Variants in COMMD10 observed in about 807,000 individuals in gnomAD.
COMMD10 encodes the protein COMM domain containing 10, also known as COMM domain-containing protein 10.
COMMD10 carries 33 observed loss-of-function variants against 28.9 expected under a neutral mutation model. The ratio of observed to expected loss-of-function variants is 1.14; its 90% CI spans 0.87 to 1.53. COMMD10 has a LOEUF of 1.53. Ranked by LOEUF, COMMD10 falls within the 40% of genes most tolerant of loss-of-function variation. The pLI, the probability that COMMD10 is intolerant of heterozygous loss-of-function variation, is 0.00. For missense variants in COMMD10, 310 were observed against 233.4 expected, an observed-to-expected ratio of 1.33 and a Z score of -2.14; for synonymous variants, 110 against 81.7, an observed-to-expected ratio of 1.35 and a Z score of -1.87.
intron 5 of COMMD10, among the ~76,000 whole-genome samples, chr5:116,179,786 A>G (rs187604053): frequency 5.9e-5 from 9 of 152,236 alleles, no homozygotes; most frequent in Non-Finnish European, 1.3e-4. Flanking sequence ...GGTCAGTGTG[A>G]TGGTAACCAT....
At chr5:116,091,475 G>A (rs897559181) in intron 3 of COMMD10, among the ~76,000 whole-genome samples, 1 of 152,044 alleles carries the variant, frequency 6.6e-6, no homozygotes, top group Non-Finnish European at 1.5e-5. Flanking sequence ...AAATGATTTG[G>A]GGGATATATT....
chr5:116,218,739 A>G (rs534461084), intron 5 of COMMD10, among the ~76,000 whole-genome samples: 58 of 152,124 alleles, frequency 3.8e-4, no homozygotes, highest in Non-Finnish European at 7.2e-4. Context: ...CTATGAGAAC[A>G]TTTTAGGGAC....
intron 5 of COMMD10, among the ~76,000 whole-genome samples, chr5:116,253,014 A>C (rs1318576827): frequency 1.1e-5 from 1 of 92,416 alleles, no homozygotes; most frequent in African/African-American, 3.6e-5. Context: ...GAGGTCCTTC[A>C]CATCCCTTGT....
chr5:116,155,394 A>G (rs891914772), intron 5 of COMMD10, among the ~76,000 whole-genome samples: 3 of 152,040 alleles, frequency 2.0e-5, no homozygotes, highest in African/African-American at 7.2e-5. Context: ...TAAAAACGCT[A>G]CTATTTTCAT....
intron 5 of COMMD10, among the ~76,000 whole-genome samples, chr5:116,215,547 C>T (rs567681334): frequency 9.2e-5 from 14 of 151,480 alleles, no homozygotes; most frequent in African/African-American, 2.7e-4. Flanking sequence ...ATGAGCCAGG[C>T]GTGGTGGCGT....
intron 2 of COMMD10, among the ~76,000 whole-genome samples, chr5:116,089,708 C>G (rs1030360114): frequency 1.3e-5 from 2 of 152,160 alleles, no homozygotes; most frequent in African/African-American, 4.8e-5. Context: ...AGAAGAGGTG[C>G]TTGTTGAAAA....
chr5:116,215,645 C>T (rs969809210), intron 5 of COMMD10, among the ~76,000 whole-genome samples: 1 of 147,808 alleles, frequency 6.8e-6, no homozygotes, highest in African/African-American at 2.5e-5. Flanking sequence ...TGAGATCAGG[C>T]CACTGCACTC....
At chr5:116,231,288 G>T (rs1218051943) in intron 5 of COMMD10, among the ~76,000 whole-genome samples, 1 of 152,250 alleles carries the variant, frequency 6.6e-6, no homozygotes, top group Middle Eastern at 3.4e-3. Flanking sequence ...TGATGTAGCA[G>T]TTTTTAATAA....
chr5:116,180,931 T>G (rs1747935599), intron 5 of COMMD10, among the ~76,000 whole-genome samples: 1 of 152,116 alleles, frequency 6.6e-6, no homozygotes, highest in Admixed American at 6.6e-5. Context: ...GGCGGGCAGA[T>G]TGCCTGAGCT....
rs775881946 is a variant in COMMD10, at chr5:116,085,100, G to T, written c.41+7G>T. On this transcript the variant is annotated splice_region_variant and intron_variant, in intron 1 of 6. Transcript: ENST00000274458. ...TCCTACGGGAGAGCCCCAGGTAGCT[G>T]ATCCGTTAAGCTCTTGCGGTAGCCG... 1.2e-6 allele frequency: 2 copies of T among 1,609,296 alleles called. No homozygotes were observed. Among genetic ancestry groups the T allele is most frequent in the Middle Eastern group, 1.7e-4 (1 of 5,834 alleles).
At chr5:116,146,405 T>C (rs1329414197) in intron 5 of COMMD10, among the ~76,000 whole-genome samples, 2 of 151,900 alleles carry the variant, frequency 1.3e-5, no homozygotes, top group East Asian at 1.9e-4. Flanking sequence ...GTTTGAATTA[T>C]ATTAGCTTTT....
chr5:116,216,066 A>T (rs1364837101), intron 5 of COMMD10, among the ~76,000 whole-genome samples: 1 of 152,152 alleles, frequency 6.6e-6, no homozygotes, highest in Non-Finnish European at 1.5e-5. Context: ...AAGTAAAACA[A>T]TCCAGACCAT....
chr5:116,092,530 G>A lies in COMMD10; in HGVS notation c.244-15G>A. The A allele has an allele frequency of 6.5e-7, 1 of 1,530,150 alleles. No homozygotes were observed. Among genetic ancestry groups the A allele is most frequent in the Non-Finnish European group, 8.8e-7 (1 of 1,136,698 alleles). The allele number at this position is 1,530,150 out of a possible 1,614,324, so 94.8% of individuals were successfully genotyped here. On this transcript the variant is annotated splice_polypyrimidine_tract_variant and intron_variant, in intron 3 of 6. Coordinates refer to ENST00000274458, the MANE Select transcript of COMMD10 (RefSeq NM_016144.4). ...AGATGAGGGACATATGTAATTTTTT[G>A]TTTCTTTTTAATAGGCAGTGTATCA...
chr5:116,204,666 A>G (rs1748765501), intron 5 of COMMD10, among the ~76,000 whole-genome samples: 1 of 152,180 alleles, frequency 6.6e-6, no homozygotes, highest in Non-Finnish European at 1.5e-5. Context: ...AAAATCACTC[A>G]TTGACACTTA....
At chr5:116,159,988 G>A (rs760207585) in intron 5 of COMMD10, among the ~76,000 whole-genome samples, 3 of 152,156 alleles carry the variant, frequency 2.0e-5, no homozygotes, top group Non-Finnish European at 4.4e-5. Flanking sequence ...GGATGGAATA[G>A]TTATGGACCA....
In COMMD10 at chr5:116,282,006, C is replaced by T. The variant is rs1245465348; in HGVS notation, c.511-9511C>T. 1.3e-5 allele frequency among the ~76,000 whole-genome samples: 2 copies of T among 151,694 alleles called. 1 individual carries two copies. The highest frequency in any genetic ancestry group is 4.9e-5 in the African/African-American group (2 of 41,092). On this transcript the variant is annotated intron_variant, in intron 5 of 6. Transcript: ENST00000274458. ...AATATCATCAATATATCAGTGACTC[C>T]CAAATTCTCTTTTCTGGCTCTCCAG...
chr5:116,292,406 G>C (rs371266040), intron 6 of COMMD10, 45 bp from the exon 7 acceptor site: 1 of 1,385,070 alleles, frequency 7.2e-7, no homozygotes, highest in Non-Finnish European at 9.6e-7. Flanking sequence ...TATGAGTTTC[G>C]TTCCCTTCAC....
intron 4 of COMMD10, among the ~76,000 whole-genome samples, chr5:116,111,434 T>TTTGCTGTGTCCTGCAGGTTTTTGTA (rs1751041110): frequency 6.6e-6 from 1 of 150,816 alleles, no homozygotes; most frequent in South Asian, 2.1e-4. Flanking sequence ...TAGCACTGGT[T>TTTGCTGTGTCCTGCAGGTTTTTGTA]TTGCTGTGTC....
chr5:116,222,556 A>G (rs368165483), intron 5 of COMMD10, among the ~76,000 whole-genome samples: 6 of 152,282 alleles, frequency 3.9e-5, no homozygotes, highest in Admixed American at 3.3e-4. Flanking sequence ...TTATGAGGGA[A>G]TTTAATGTTC....
Sources: gnomAD v4.1 joint callset for allele counts (sites outside exome capture counted in the v4.1 genomes callset) on GRCh38, gnomAD v4.1.1 for gene constraint, MANE v1.5 for transcripts, NCBI Gene and HGNC (gene_info 2026-07-23, HGNC 2026-07-21) for gene names.